Variants in SLC5A4 observed in about 807,000 individuals in gnomAD.
The protein encoded by SLC5A4 is probable glucose sensor protein SLC5A4.
A neutral mutation model predicts 70.3 loss-of-function variants in SLC5A4; 55 were observed. The observed-to-expected ratio is 0.78, with a 90% confidence interval of 0.63 to 0.98. SLC5A4 has a LOEUF of 0.98. Among genes scored for constraint, SLC5A4 ranks in the 50% least tolerant of loss-of-function variants. The pLI, the probability that SLC5A4 is intolerant of heterozygous loss-of-function variation, is 0.00. For missense variants in SLC5A4, 735 were observed against 839.2 expected (o/e 0.88, Z 1.53); for synonymous variants, 268 against 305.7 (o/e 0.88, Z 1.29).
chr22:32,239,582 T>TTA (rs1437907303), intron 5 of SLC5A4, among the ~76,000 whole-genome samples: 561 of 16,150 alleles, frequency 0.035, 34 homozygotes, highest in Middle Eastern at 0.071. Flanking sequence ...ATATATATAT[T>TTA]TATATATATA....
the SLC5A4 span, among the ~76,000 whole-genome samples, chr22:32,349,877 C>T: frequency 6.6e-6 from 1 of 152,054 alleles, no homozygotes. Flanking sequence ...AATACAAAAT[C>T]CTCCCTCCCA....
the SLC5A4 span, among the ~76,000 whole-genome samples, chr22:32,308,459 G>C: frequency 0.34 from 50,458 of 148,140 alleles, 8,526 homozygotes; most frequent in Admixed American, 0.43. Flanking sequence ...AGCGGCCTGT[G>C]GGGGAGTCAG....
the SLC5A4 span, among the ~76,000 whole-genome samples, chr22:32,306,419 T>C: frequency 4.0e-5 from 6 of 151,354 alleles, no homozygotes; most frequent in East Asian, 9.8e-4. Context: ...TGACCCGAGA[T>C]TGCACCACTG....
chr22:32,323,806 CCA>C, the SLC5A4 span, among the ~76,000 whole-genome samples: 69 of 152,362 alleles, frequency 4.5e-4, 3 homozygotes, highest in South Asian at 0.01. Flanking sequence ...TGCCTGTGGG[CCA>C]CAGTCTGGAC....
rs552908167 is a variant in SLC5A4, at chr22:32,243,969, A to G, written c.477+3442T>C. The stretch of plus-strand genomic sequence containing the variant: ...GTGCCACTGCACTCCAGCCTGGAAG[A>G]TAGAGTGAGACTCTGTCTCTGTTTC... On this transcript the variant is annotated intron_variant, in intron 5 of 14. Transcript: ENST00000266086. Among the ~76,000 whole-genome samples, 26 of 152,326 alleles carry G rather than the reference A, an allele frequency of 1.7e-4. No homozygotes were observed. The South Asian group carries it at 5.4e-3, about 32-fold the overall frequency.
At chr22:32,348,121 C>T in the SLC5A4 span, among the ~76,000 whole-genome samples, 1 of 152,148 alleles carries the variant, frequency 6.6e-6, no homozygotes, top group East Asian at 1.9e-4. Context: ...TAAACATGGG[C>T]TTCTGTGACT....
chr22:32,353,964 C>T, the SLC5A4 span, among the ~76,000 whole-genome samples: 1 of 151,302 alleles, frequency 6.6e-6, no homozygotes, highest in East Asian at 2.0e-4. Context: ...CCCCAACTCA[C>T]TCCCTGCCTC....
At chr22:32,316,247 G>C in the SLC5A4 span, among the ~76,000 whole-genome samples, 40 of 150,918 alleles carry the variant, frequency 2.7e-4, no homozygotes, top group Non-Finnish European at 5.1e-4. Context: ...AATGTTATGT[G>C]CATTTTACCA....
At chr22:32,338,538 G>A in the SLC5A4 span, among the ~76,000 whole-genome samples, 2 of 152,094 alleles carry the variant, frequency 1.3e-5, no homozygotes, top group Admixed American at 6.6e-5. Context: ...GGTGGTGGGC[G>A]CCTGTAATGC....
chr22:32,345,727 G>C, the SLC5A4 span, among the ~76,000 whole-genome samples: 1 of 152,104 alleles, frequency 6.6e-6, no homozygotes, highest in Non-Finnish European at 1.5e-5. Context: ...ACACAGAAAA[G>C]GTCCCCCCAA....
At chr22:32,329,389 G>A in the SLC5A4 span, among the ~76,000 whole-genome samples, 2 of 152,160 alleles carry the variant, frequency 1.3e-5, no homozygotes, top group Admixed American at 6.5e-5. Flanking sequence ...CTATTGAGTC[G>A]GGAGAAAACA....
the SLC5A4 span, chr22:32,270,323 A>G: frequency 3.0e-5 from 29 of 982,490 alleles, no homozygotes; most frequent in Non-Finnish European, 4.3e-5. Context: ...TGCTCCAGCC[A>G]CAGGAAGAAT....
chr22:32,336,367 C>G, the SLC5A4 span, among the ~76,000 whole-genome samples: 3 of 152,234 alleles, frequency 2.0e-5, no homozygotes, highest in African/African-American at 2.4e-5. Context: ...GTTAATTACT[C>G]ACGCAAGCTG....
the SLC5A4 span, among the ~76,000 whole-genome samples, chr22:32,353,751 C>T: frequency 1.3e-5 from 2 of 151,558 alleles, no homozygotes; most frequent in Admixed American, 6.6e-5. Context: ...CGCCCCCTGC[C>T]GCGGGCAGTG....
In SLC5A4 at chr22:32,227,580, G is replaced by T. The variant is rs189870701; in HGVS notation, c.1280+1614C>A. On this transcript the variant is annotated intron_variant, in intron 11 of 14. Transcript: ENST00000266086. ...ACTACAGTGGAACATCACAGAGAAA[G>T]AAATTACACTACAGCTACACATAGC... 1.6e-3 allele frequency among the ~76,000 whole-genome samples: 250 copies of T among 152,306 alleles called. 5 individuals carry two copies. The highest frequency in any genetic ancestry group is 0.014 in the Admixed American group (207 of 15,292).
the SLC5A4 span, among the ~76,000 whole-genome samples, chr22:32,300,525 C>A: frequency 6.7e-6 from 1 of 148,868 alleles, no homozygotes; most frequent in South Asian, 2.2e-4. Flanking sequence ...GGCTCGCACA[C>A]GGTGCGCGCA....
chr22:32,231,863 C>T (rs1321595317), intron 9 of SLC5A4, among the ~76,000 whole-genome samples: 3 of 151,926 alleles, frequency 2.0e-5, no homozygotes, highest in South Asian at 2.1e-4. Context: ...TTTCTTTGGC[C>T]ATTCCCCACT....
chr22:32,354,091 C>G, the SLC5A4 span, among the ~76,000 whole-genome samples: 1 of 150,708 alleles, frequency 6.6e-6, no homozygotes, highest in South Asian at 2.1e-4. Context: ...AGCACACCCA[C>G]CAGCTCCCTG....
the SLC5A4 span, among the ~76,000 whole-genome samples, chr22:32,335,067 G>C: frequency 6.6e-6 from 1 of 152,210 alleles, no homozygotes; most frequent in African/African-American, 2.4e-5. Flanking sequence ...GCCTCCAAGA[G>C]ATCACAGGGA....
Sources: allele counts gnomAD v4.1 joint callset (sites outside exome capture counted in the v4.1 genomes callset), GRCh38; gene constraint gnomAD v4.1.1; transcripts MANE v1.5; gene names NCBI Gene and HGNC (gene_info 2026-07-23, HGNC 2026-07-21).